Variants in NPL observed in about 807,000 individuals in gnomAD.
The protein encoded by NPL is N-acetylneuraminate lyase.
NPL carries 32 observed loss-of-function variants against 41.1 expected under a neutral mutation model. The observed-to-expected ratio is 0.78, with a 90% CI of 0.59 to 1.05. The LOEUF is 1.05. Among genes scored for constraint, NPL ranks in the 50% least tolerant of loss-of-function variants. The pLI is 0.00. For synonymous variants in NPL, 128 were observed against 134.9 expected, an observed-to-expected ratio of 0.95 and a Z score of 0.35; for missense variants, 321 against 378.4, an observed-to-expected ratio of 0.85 and a Z score of 1.26.
chr1:182,811,008 T>C (rs1287021698), intron 5 of NPL, among the ~76,000 whole-genome samples: 1 of 152,170 alleles, frequency 6.6e-6, no homozygotes, highest in Non-Finnish European at 1.5e-5. Context: ...TTAGATTTCT[T>C]CCCTAGTGCT....
chr1:182,808,908 C>CA (rs1476061734), intron 5 of NPL, among the ~76,000 whole-genome samples: 9 of 146,594 alleles, frequency 6.1e-5, no homozygotes, highest in African/African-American at 2.3e-4. Context: ...TGCAGTGAGC[C>CA]AAAATCACAC....
At position 182,828,718 on chromosome 1, in the gene NPL, G is replaced by T. The variant is rs111628840; in HGVS notation, c.779-6G>T. The T allele has an allele frequency of 1.2e-6, 2 of 1,613,988 alleles. No homozygotes were observed. Among genetic ancestry groups the T allele is most frequent in the African/African-American group, 1.3e-5 (1 of 74,900 alleles). On this transcript the variant is annotated splice_polypyrimidine_tract_variant and splice_region_variant and intron_variant, in intron 12 of 12. Coordinates refer to ENST00000367553, the MANE Select transcript of NPL (RefSeq NM_030769.3). The surrounding 1 kb of genome is among the most constrained non-coding windows in gnomAD (Gnocchi z 4.0). ...TCATGTTTCCTCATTTGTTTTTCCC[G>T]TCTAGGTTTTGGAGTGTCACAGACC...
At chr1:182,821,637 A>G (rs1409875153) in intron 10 of NPL, among the ~76,000 whole-genome samples, 1 of 152,186 alleles carries the variant, frequency 6.6e-6, no homozygotes, top group South Asian at 2.1e-4. Context: ...TAATATTACT[A>G]TCTAGAAACT....
intron 3 of NPL, among the ~76,000 whole-genome samples, chr1:182,802,178 A>G (rs1481309108): frequency 6.6e-6 from 1 of 152,222 alleles, no homozygotes; most frequent in African/African-American, 2.4e-5. Context: ...CCAGGTGCAG[A>G]CAGAGGTCAG....
chr1:182,810,689 C>G (rs1270881151), intron 5 of NPL, among the ~76,000 whole-genome samples: 2 of 151,894 alleles, frequency 1.3e-5, no homozygotes, highest in Non-Finnish European at 2.9e-5. Flanking sequence ...TTTTTTTCCT[C>G]CCAAACTTGT....
At chr1:182,790,457 G>T (rs6678876) in intron 1 of NPL, among the ~76,000 whole-genome samples, 39,360 of 152,088 alleles carry the variant, frequency 0.26, 8,243 homozygotes, top group African/African-American at 0.58. Context: ...CTTTAGCTAC[G>T]AGCTCTGAAA....
chr1:182,823,121 T>C (rs1667535164), intron 11 of NPL, among the ~76,000 whole-genome samples: 1 of 152,144 alleles, frequency 6.6e-6, no homozygotes, highest in Non-Finnish European at 1.5e-5. Flanking sequence ...ACTTTTGGGG[T>C]CTGAGAGGCG....
chr1:182,806,056 C>T (rs991866770), intron 4 of NPL, 89 bp from the exon 5 acceptor site: 3 of 1,463,836 alleles, frequency 2.0e-6, no homozygotes, highest in Non-Finnish European at 1.9e-6. Flanking sequence ...ATCCTCAGTG[C>T]AGTGGTTTCT....
In NPL at chr1:182,804,819, C is replaced by G. The variant is rs1666957610; in HGVS notation, c.142+1048C>G. Among the ~76,000 whole-genome samples, 3 of 152,270 alleles carry G rather than the reference C, an allele frequency of 2.0e-5. No individual in the cohort carries two copies. The South Asian group carries it at 6.2e-4, about 32-fold the overall frequency. ...CCTGGGCCACAGGTCAAAACTGAGA[C>G]CTGATTACAAAACCACTCAATGTCC... On this transcript the variant is annotated intron_variant, in intron 4 of 12. Coordinates refer to ENST00000367553, the MANE Select transcript of NPL (RefSeq NM_030769.3).
intron 2 of NPL, 50 bp from the exon 3 acceptor site, chr1:182,794,306 T>TTGA: frequency 2.0e-6 from 3 of 1,489,584 alleles, no homozygotes; most frequent in Non-Finnish European, 2.8e-6. Flanking sequence ...GGGAGTTTTA[T>TTGA]CATTGACATT....
chr1:182,812,676 T>C (rs1040621234), intron 6 of NPL, among the ~76,000 whole-genome samples: 7 of 152,230 alleles, frequency 4.6e-5, no homozygotes, highest in Admixed American at 1.3e-4. Flanking sequence ...TTGTAAGTTA[T>C]AAATTTGTCA....
intron 12 of NPL, 196 bp downstream of exon 12, chr1:182,826,016 C>G: frequency 1.6e-6 from 1 of 637,120 alleles, no homozygotes; most frequent in South Asian, 1.8e-5. Flanking sequence ...CTTTGGCAAC[C>G]TTCTCCATTT....
chr1:182,797,034 C>CAAAAAAAA (rs59582125), intron 3 of NPL, among the ~76,000 whole-genome samples: 7 of 96,016 alleles, frequency 7.3e-5, no homozygotes, highest in African/African-American at 1.8e-4. Flanking sequence ...GAATATGTCT[C>CAAAAAAAA]AAAAAAAAAA....
At chr1:182,810,632 T>G (rs755822492) in intron 5 of NPL, among the ~76,000 whole-genome samples, 5 of 152,210 alleles carry the variant, frequency 3.3e-5, no homozygotes, top group Non-Finnish European at 7.3e-5. Flanking sequence ...TTATCTTTAC[T>G]GTTTTCTGTA....
chr1:182,814,342 G>A (rs1190803722), intron 6 of NPL, among the ~76,000 whole-genome samples: 2 of 152,198 alleles, frequency 1.3e-5, no homozygotes, highest in Non-Finnish European at 2.9e-5. Context: ...CTTCTGTGAT[G>A]TATATAATCT....
chr1:182,796,918 C>A (rs1666685898), intron 3 of NPL, among the ~76,000 whole-genome samples: 1 of 151,652 alleles, frequency 6.6e-6, no homozygotes, highest in South Asian at 2.1e-4. Context: ...ACCTGTAGTT[C>A]CAGCTACTTA....
intron 5 of NPL, 72 bp downstream of exon 5, chr1:182,806,304 T>C: frequency 6.2e-7 from 1 of 1,600,826 alleles, no homozygotes; most frequent in Non-Finnish European, 8.5e-7. Flanking sequence ...CCCCAGAGGA[T>C]ACGCCCTCCC....
intron 3 of NPL, among the ~76,000 whole-genome samples, chr1:182,799,942 G>A (rs1014005024): frequency 6.6e-6 from 1 of 152,208 alleles, no homozygotes; most frequent in African/African-American, 2.4e-5. Context: ...AGAAGGTGCT[G>A]TGCAGCCTAT....
intron 8 of NPL, among the ~76,000 whole-genome samples, chr1:182,817,643 C>T (rs1374284191): frequency 1.3e-5 from 2 of 152,200 alleles, no homozygotes; most frequent in Non-Finnish European, 2.9e-5. Flanking sequence ...CACCAGCTGG[C>T]TATAAATCAG....
Sources: allele counts gnomAD v4.1 joint callset (sites outside exome capture counted in the v4.1 genomes callset), GRCh38; gene constraint gnomAD v4.1.1; non-coding constraint Gnocchi (gnomAD v3.1); transcripts MANE v1.5; gene names NCBI Gene and HGNC (gene_info 2026-07-23, HGNC 2026-07-21).